Variants in RCOR3 observed in about 807,000 individuals in gnomAD.
RCOR3 encodes REST corepressor 3.
Under a neutral mutation model 64.1 loss-of-function variants are expected in RCOR3, and 13 were observed. The ratio of observed to expected loss-of-function variants is 0.20; its 90% confidence interval spans 0.13 to 0.32. The LOEUF (loss-of-function observed/expected upper bound fraction) is 0.32, where lower values mean the gene tolerates loss of function less well. Among genes scored for constraint, RCOR3 ranks in the 10% least tolerant of loss-of-function variants. The pLI is 1.00. For missense variants in RCOR3, 489 were observed against 701.2 expected (o/e 0.70, Z 3.42); for synonymous variants, 215 against 239.0 (o/e 0.90, Z 0.93).
intron 10 of RCOR3, among the ~76,000 whole-genome samples, chr1:211,308,108 G>T (rs1701046203): frequency 6.6e-6 from 1 of 152,176 alleles, no homozygotes; most frequent in Non-Finnish European, 1.5e-5. Flanking sequence ...TCAAAAGGAA[G>T]TGGAACAAGG....
intron 2 of RCOR3, among the ~76,000 whole-genome samples, chr1:211,267,033 A>G (rs1242936483): frequency 6.6e-6 from 1 of 152,218 alleles, no homozygotes; most frequent in East Asian, 1.9e-4. Flanking sequence ...AAGCCTTTTT[A>G]GGATAAAGAA....
chr1:211,286,491 T>C (rs1698562350), intron 7 of RCOR3, among the ~76,000 whole-genome samples: 1 of 152,064 alleles, frequency 6.6e-6, no homozygotes, highest in Non-Finnish European at 1.5e-5. Flanking sequence ...GTATTTTTAA[T>C]AGAGATGGGG....
Position 211,313,888 on chromosome 1 carries a change from T to A in RCOR3, c.*120T>A. The A allele has an allele frequency of 1.1e-6, 1 of 929,820 alleles. No homozygotes were observed. Among genetic ancestry groups the A allele is most frequent in the Non-Finnish European group, 1.6e-6 (1 of 630,138 alleles). 57.6% of individuals were successfully genotyped at this position (929,820 alleles called of 1,614,324 possible). ...AGATACTGAGGCTGCGAACTAGTTC[T>A]GTGGCAGTGGACTAGCATAAGTGGA... On this transcript the variant is annotated 3_prime_UTR_variant, in exon 12 of 12. Coordinates refer to ENST00000419091, the MANE Select transcript of RCOR3 (RefSeq NM_001136223.3). The surrounding 1 kb of genome is among the most constrained non-coding windows in gnomAD (Gnocchi z 4.7).
intron 2 of RCOR3, among the ~76,000 whole-genome samples, chr1:211,266,447 C>T (rs943911908): frequency 2.0e-5 from 3 of 152,142 alleles, no homozygotes; most frequent in African/African-American, 7.2e-5. Context: ...CTAATAATTT[C>T]AAAGGGATTA....
chr1:211,295,803 T>C, intron 9 of RCOR3, 50 bp downstream of exon 9: 1 of 1,463,126 alleles, frequency 6.8e-7, no homozygotes, highest in South Asian at 1.1e-5. Context: ...AACTTGTTTT[T>C]TCAGTTATCT....
chr1:211,262,058 G>A (rs1212919013), intron 2 of RCOR3, among the ~76,000 whole-genome samples: 3 of 710 alleles, frequency 4.2e-3, no homozygotes, highest in African/African-American at 5.7e-3. Flanking sequence ...TTTTTTTTGA[G>A]GTGAAGTCTT....
intron 2 of RCOR3, 38 bp downstream of exon 2, chr1:211,260,202 T>C: frequency 6.3e-7 from 1 of 1,595,060 alleles, no homozygotes; most frequent in Non-Finnish European, 8.6e-7. Flanking sequence ...CATATCCCCT[T>C]TCCTGGGCTT....
intron 2 of RCOR3, among the ~76,000 whole-genome samples, chr1:211,262,812 A>C (rs1387767353): frequency 2.4e-5 from 3 of 123,944 alleles, no homozygotes; most frequent in Non-Finnish European, 4.8e-5. Context: ...GTGATTTTGC[A>C]TGGCCACTGG....
intron 5 of RCOR3, among the ~76,000 whole-genome samples, chr1:211,277,266 A>G (rs1296584296): frequency 6.6e-6 from 1 of 151,926 alleles, no homozygotes; most frequent in Non-Finnish European, 1.5e-5. Flanking sequence ...TCCTGCATTA[A>G]ACGATTTTAA....
intron 8 of RCOR3, among the ~76,000 whole-genome samples, chr1:211,291,322 CT>C (rs1029276508): frequency 1.3e-5 from 2 of 152,186 alleles, no homozygotes; most frequent in African/African-American, 4.8e-5. Context: ...AAATTTGAAA[CT>C]TTTTGAGCAC....
At chr1:211,263,809 TTTTTTGTTTTG>T (rs1694758004) in intron 2 of RCOR3, among the ~76,000 whole-genome samples, 1 of 38,102 alleles carries the variant, frequency 2.6e-5, no homozygotes, top group Non-Finnish European at 5.7e-5. Context: ...ATGAAAAGTT[TTTTTTGTTTTG>T]TTTTTTTTTT....
intron 2 of RCOR3, among the ~76,000 whole-genome samples, chr1:211,262,276 TCTG>T (rs1474439089): frequency 1.3e-5 from 2 of 151,910 alleles, no homozygotes; most frequent in African/African-American, 2.4e-5. Context: ...GACCTCGTGA[TCTG>T]CTGCCTCGAC....
chr1:211,277,128 T>C (rs771094806), intron 5 of RCOR3, among the ~76,000 whole-genome samples: 5 of 151,220 alleles, frequency 3.3e-5, no homozygotes, highest in African/African-American at 1.2e-4. Context: ...AAAAATATTA[T>C]TTCAATATTG....
Position 211,312,569 on chromosome 1 carries a change from A to G in RCOR3, c.1076-151A>G, listed in dbSNP as rs186273121. The G allele has an allele frequency of 4.3e-6, 3 of 692,262 alleles. No individual in the cohort carries two copies. The African/African-American group carries it at 5.3e-5, about 12-fold the overall frequency. The allele number at this position is 692,262 out of a possible 1,614,324, so 42.9% of individuals were successfully genotyped here. A position where few individuals can be genotyped will look rare whatever the true frequency, so the allele number is the denominator to read the frequency against. On this transcript the variant is annotated intron_variant, in intron 10 of 11. Coordinates refer to ENST00000419091, the MANE Select transcript of RCOR3 (RefSeq NM_001136223.3). The surrounding 1 kb of genome is among the most constrained non-coding windows in gnomAD (Gnocchi z 5.0). ...CTGATAGTTTTCATCTGTGACCCTGATATCTTAGCCTCTATCTCAGAATTG... is the reference window on the plus strand; with the variant it reads ...CTGATAGTTTTCATCTGTGACCCTGGTATCTTAGCCTCTATCTCAGAATTG...
At chr1:211,267,286 G>C (rs905876788) in intron 2 of RCOR3, among the ~76,000 whole-genome samples, 1 of 152,132 alleles carries the variant, frequency 6.6e-6, no homozygotes, top group Non-Finnish European at 1.5e-5. Flanking sequence ...TCAGACTCTG[G>C]GAGTTGGGCT....
chr1:211,289,513 G>C, intron 8 of RCOR3, 117 bp downstream of exon 8: 1 of 782,892 alleles, frequency 1.3e-6, no homozygotes. Context: ...CACTTATGCA[G>C]GTTTCATTTT....
intron 7 of RCOR3, among the ~76,000 whole-genome samples, chr1:211,281,000 A>AAAGGTGGGTTCACTTC (rs1697725245): frequency 6.6e-6 from 1 of 150,580 alleles, no homozygotes; most frequent in Non-Finnish European, 1.5e-5. Flanking sequence ...AAAAAAAAAA[A>AAAGGTGGGTTCACTTC]AGGCATATGT....
chr1:211,270,714 C>T (rs1213145797), intron 2 of RCOR3, among the ~76,000 whole-genome samples: 2 of 152,056 alleles, frequency 1.3e-5, no homozygotes, highest in African/African-American at 4.8e-5. Flanking sequence ...AGGGATAAAC[C>T]GGCATTTGCA....
chr1:211,261,776 C>A (rs865885690), intron 2 of RCOR3, among the ~76,000 whole-genome samples: 58 of 151,528 alleles, frequency 3.8e-4, no homozygotes, highest in Non-Finnish European at 7.4e-4. Context: ...AAAAAATTAG[C>A]CGATCGTGGT....
Sources: allele counts gnomAD v4.1 joint callset (sites outside exome capture counted in the v4.1 genomes callset), GRCh38; gene constraint gnomAD v4.1.1; non-coding constraint Gnocchi (gnomAD v3.1); transcripts MANE v1.5; gene names NCBI Gene and HGNC (gene_info 2026-07-23, HGNC 2026-07-21).